The following CDH4 variants were observed in gnomAD, a reference collection of about 807,000 sequenced individuals.
CDH4 encodes cadherin-4.
CDH4 carries 33 observed loss-of-function variants against 86.0 expected under a neutral mutation model. That is an observed-to-expected ratio of 0.38 (90% confidence interval 0.29 to 0.51). The LOEUF is 0.51. Ranked by LOEUF, CDH4 falls within the 20% of genes least tolerant of loss-of-function variation. The pLI is 0.86. For synonymous variants in CDH4, 555 were observed against 549.4 expected (o/e 1.01, Z -0.14); for missense variants, 1,114 against 1,307.4 (o/e 0.85, Z 2.28).
chr20:61,597,061 G>A (rs982871975), intron 2 of CDH4, among the ~76,000 whole-genome samples: 4 of 152,228 alleles, frequency 2.6e-5, no homozygotes, highest in Non-Finnish European at 5.9e-5. Flanking sequence ...TTTCAAGGTG[G>A]TGCCAACTAT....
chr20:61,539,138 CG>C (rs2086020335), intron 2 of CDH4, among the ~76,000 whole-genome samples: 2 of 152,068 alleles, frequency 1.3e-5, no homozygotes, highest in South Asian at 4.1e-4. Context: ...CCACCGTGGC[CG>C]GTGCACCCAC....
intron 2 of CDH4, among the ~76,000 whole-genome samples, chr20:61,294,592 G>A (rs1219817766): frequency 6.6e-6 from 1 of 152,194 alleles, no homozygotes; most frequent in Non-Finnish European, 1.5e-5. Flanking sequence ...TCATTCCACT[G>A]TGGGACCCCA....
chr20:61,500,197 G>T (rs1175539698), intron 2 of CDH4, among the ~76,000 whole-genome samples: 1 of 152,180 alleles, frequency 6.6e-6, no homozygotes, highest in Non-Finnish European at 1.5e-5. Context: ...TGTTGTGTTT[G>T]TCAAATAATG....
intron 2 of CDH4, among the ~76,000 whole-genome samples, chr20:61,589,531 G>A (rs1277141276): frequency 1.3e-5 from 2 of 152,138 alleles, no homozygotes; most frequent in Non-Finnish European, 2.9e-5. Flanking sequence ...TCCACAAGTG[G>A]CATGCAGAAA....
intron 2 of CDH4, among the ~76,000 whole-genome samples, chr20:61,414,732 C>T (rs62199120): frequency 0.15 from 23,467 of 152,166 alleles, 2,138 homozygotes; most frequent in African/African-American, 0.24. Flanking sequence ...ATCAGAATTC[C>T]GATTAGAGCT....
chr20:61,357,360 C>T (rs988807832), intron 2 of CDH4, among the ~76,000 whole-genome samples: 23 of 151,698 alleles, frequency 1.5e-4, no homozygotes, highest in East Asian at 1.9e-4. Flanking sequence ...CTCACCCTGC[C>T]GTGTTGCAGC....
chr20:61,337,266 A>ATAAGAG (rs2084622428), intron 2 of CDH4, among the ~76,000 whole-genome samples: 1 of 72,478 alleles, frequency 1.4e-5, no homozygotes, highest in African/African-American at 5.2e-5. Context: ...GGTGATGGTG[A>ATAAGAG]TGGTGGTGAT....
Position 61,510,921 on chromosome 20 carries a change from G to A in CDH4, c.170-232642G>A, listed in dbSNP as rs2085774705. 6.6e-6 allele frequency among the ~76,000 whole-genome samples: 1 copy of A among 151,992 alleles called. No individual in the cohort carries two copies. Among genetic ancestry groups the A allele is most frequent in the Non-Finnish European group, 1.5e-5 (1 of 68,010 alleles). ...AAGGTGAGGGGGTGGGGACAGACATGTCACAAAATGAAAGCAGGAGTGAGA... is the reference window on the plus strand; with the variant it reads ...AAGGTGAGGGGGTGGGGACAGACATATCACAAAATGAAAGCAGGAGTGAGA... On this transcript the variant is annotated intron_variant, in intron 2 of 15. Transcript: ENST00000614565. This position sits in a 1 kb window ranked among gnomAD's most constrained non-coding sequence, Gnocchi z 4.2.
intron 2 of CDH4, among the ~76,000 whole-genome samples, chr20:61,256,294 C>T (rs140301121): frequency 6.6e-6 from 1 of 152,302 alleles, no homozygotes; most frequent in East Asian, 1.9e-4. Context: ...AAACTGGCAT[C>T]CTTAAGTTCT....
chr20:61,387,555 C>A (rs1004570448), intron 2 of CDH4, among the ~76,000 whole-genome samples: 2 of 152,144 alleles, frequency 1.3e-5, no homozygotes, highest in Non-Finnish European at 2.9e-5. Flanking sequence ...CACAAACATA[C>A]ACACAGACAC....
At chr20:61,700,327 G>A (rs1195480562) in intron 2 of CDH4, among the ~76,000 whole-genome samples, 11 of 152,228 alleles carry the variant, frequency 7.2e-5, no homozygotes, top group Non-Finnish European at 5.9e-5. Context: ...GACTGGCCGG[G>A]TAGGAAATAT....
At chr20:61,540,288 C>T (rs1437410628) in intron 2 of CDH4, among the ~76,000 whole-genome samples, 2 of 152,302 alleles carry the variant, frequency 1.3e-5, no homozygotes, top group Middle Eastern at 3.4e-3. Context: ...AAAAAATTAC[C>T]TATGAAATCC....
At chr20:61,504,167 T>C (rs1159272611) in intron 2 of CDH4, among the ~76,000 whole-genome samples, 1 of 152,212 alleles carries the variant, frequency 6.6e-6, no homozygotes, top group Non-Finnish European at 1.5e-5. Context: ...CCGCAGGTAG[T>C]ACTGAAGACT....
At chr20:61,561,295 G>C (rs4925254) in intron 2 of CDH4, among the ~76,000 whole-genome samples, 40,590 of 152,232 alleles carry the variant, frequency 0.27, 5,987 homozygotes, top group African/African-American at 0.39. Context: ...TGCCAGATGT[G>C]CCACAGGGCT....
chr20:61,540,794 A>T (rs540392945), intron 2 of CDH4, among the ~76,000 whole-genome samples: 2 of 152,150 alleles, frequency 1.3e-5, no homozygotes, highest in East Asian at 3.9e-4. Flanking sequence ...AATGTCAGGA[A>T]TTTTTCCTCT....
chr20:61,898,045 G>A lies in CDH4; in HGVS notation c.1188+2998G>A, dbSNP rs893338380. 8.5e-5 allele frequency among the ~76,000 whole-genome samples: 13 copies of A among 152,330 alleles called. No homozygotes were observed. The East Asian group carries it at 2.3e-3, about 27-fold the overall frequency. On this transcript the variant is annotated intron_variant, in intron 8 of 15. Transcript: ENST00000614565. ...GCTTTTCCAGGTGACTGGGTCGCAT[G>A]GTCCTGGAGAAGGGGTGTCAGTAAA... is the stretch of plus-strand genomic sequence containing the variant.
In CDH4 at chr20:61,516,476, C is replaced by T. The variant is rs914356638; in HGVS notation, c.170-227087C>T. On this transcript the variant is annotated intron_variant, in intron 2 of 15. Coordinates refer to ENST00000614565, the MANE Select transcript of CDH4 (RefSeq NM_001794.5). The surrounding 1 kb of genome is among the most constrained non-coding windows in gnomAD (Gnocchi z 4.0). Reference sequence around the variant, plus strand: ...TTTTACAGACCGGGAGGCAGAGCCCCAGAGGTCAAGCCAGATGTCCATGTT... The same window carrying T: ...TTTTACAGACCGGGAGGCAGAGCCCTAGAGGTCAAGCCAGATGTCCATGTT... 3.3e-5 allele frequency among the ~76,000 whole-genome samples: 5 copies of T among 152,138 alleles called. No individual in the cohort carries two copies. The highest frequency in any genetic ancestry group is 6.5e-5 in the Admixed American group (1 of 15,280).
intron 2 of CDH4, among the ~76,000 whole-genome samples, chr20:61,386,942 A>G (rs1260355715): frequency 1.3e-5 from 2 of 152,248 alleles, no homozygotes. Context: ...GGGTCAATAC[A>G]TGTAGATATG....
chr20:61,509,299 G>A (rs770513100), intron 2 of CDH4, among the ~76,000 whole-genome samples: 11 of 151,872 alleles, frequency 7.2e-5, no homozygotes, highest in Non-Finnish European at 1.5e-4. Flanking sequence ...TGCCCTCAGA[G>A]GGACCCGCCC....
Sources: allele counts gnomAD v4.1 joint callset (sites outside exome capture counted in the v4.1 genomes callset), GRCh38; gene constraint gnomAD v4.1.1; non-coding constraint Gnocchi (gnomAD v3.1); transcripts MANE v1.5; gene names NCBI Gene and HGNC (gene_info 2026-07-23, HGNC 2026-07-21).